STK38: variants seen among roughly 807,000 people sequenced by gnomAD.
The protein encoded by STK38 is serine/threonine-protein kinase 38.
In STK38, 26 loss-of-function variants were observed where a neutral mutation model predicts 59.0. The observed-to-expected ratio is 0.44, with a 90% CI of 0.32 to 0.61. The LOEUF (loss-of-function observed/expected upper bound fraction) is 0.61. STK38 is among the 20% of genes least tolerant of loss of function. The pLI, the probability that STK38 is intolerant of heterozygous loss-of-function variation, is 0.04. For synonymous variants in STK38, 175 were observed against 176.6 expected, an observed-to-expected ratio of 0.99 and a Z score of 0.07; for missense variants, 433 against 566.0, an observed-to-expected ratio of 0.76 and a Z score of 2.38.
In STK38 at chr6:36,502,419, T is replaced by C. The variant is rs952712425; in HGVS notation, c.835-2429A>G. Among the ~76,000 whole-genome samples the C allele has an allele frequency of 2.0e-5, 3 of 152,234 alleles. No homozygotes were observed. The East Asian group carries it at 5.8e-4, about 29-fold the overall frequency. ...ATTCCTATTCAGATCCTTTGTCCAT[T>C]AGTATTTTTTAAGTTGTGTTGTCCT... On this transcript the variant is annotated intron_variant, in intron 9 of 13. Transcript: ENST00000229812.
chr6:36,546,498 G>A (rs900208894), intron 1 of STK38, among the ~76,000 whole-genome samples: 1 of 152,170 alleles, frequency 6.6e-6, no homozygotes, highest in South Asian at 2.1e-4. Context: ...ACCCTCCTCG[G>A]TGCATTTCAA....
intron 12 of STK38, 21 bp from the exon 13 acceptor site, chr6:36,496,826 A>C: frequency 6.4e-7 from 1 of 1,554,152 alleles, no homozygotes; most frequent in South Asian, 1.1e-5. Context: ...TACACATGCC[A>C]AAAATTACTA....
In STK38 at chr6:36,517,770, T is replaced by A; in HGVS notation, c.461A>T (p.Tyr154Phe). The A allele has an allele frequency of 6.2e-7, 1 of 1,614,172 alleles. No homozygotes were observed. Among genetic ancestry groups the A allele is most frequent in the South Asian group, 1.1e-5 (1 of 91,080 alleles). The change falls in exon 6 of 14, where the codon TAT becomes TTT. Residue 154 changes from tyrosine to phenylalanine, a missense_variant. Physicochemically the swap from Tyr to Phe is conservative, Grantham distance 22. This residue lies in a region of STK38 where 293 missense variants were observed against 388.2 expected (regional missense o/e 0.75). Transcript: ENST00000229812. ...ADSLWVVKMF[Y>F]SFQDKLNLYL... ...GAGGTTTAGCTTATCCTGAAAACTA[T>A]AGAACATTTTCACAACCCACAAACT...
In STK38 at chr6:36,495,930, A is replaced by G. The variant is rs1776692389; in HGVS notation, c.1268-16T>C. On this transcript the variant is annotated splice_polypyrimidine_tract_variant and intron_variant, in intron 13 of 13. Coordinates refer to ENST00000229812, the MANE Select transcript of STK38 (RefSeq NM_007271.4). Reference sequence around the variant, plus strand: ...CTTGTGGCCACTGGGAAAGAAATAGATGTGAGAGTTGATTCACTGCCTTGC... The same window carrying G: ...CTTGTGGCCACTGGGAAAGAAATAGGTGTGAGAGTTGATTCACTGCCTTGC... The G allele has an allele frequency of 6.2e-7, 1 of 1,611,794 alleles. No individual in the cohort carries two copies. The highest frequency in any genetic ancestry group is 1.3e-5 in the African/African-American group (1 of 74,902).
chr6:36,524,834 T>C (rs998288532), intron 3 of STK38, among the ~76,000 whole-genome samples: 1 of 151,892 alleles, frequency 6.6e-6, no homozygotes, highest in Non-Finnish European at 1.5e-5. Context: ...GCTTAAACAC[T>C]GTATACTCTA....
intron 2 of STK38, among the ~76,000 whole-genome samples, chr6:36,535,471 A>C (rs577403953): frequency 2.1e-4 from 32 of 152,258 alleles, no homozygotes; most frequent in Admixed American, 9.8e-4. Context: ...CAAACAAGCA[A>C]GCAAACAAAC....
At chr6:36,505,602 A>T (rs1776945088) in intron 9 of STK38, among the ~76,000 whole-genome samples, 1 of 152,342 alleles carries the variant, frequency 6.6e-6, no homozygotes, top group Admixed American at 6.5e-5. Context: ...TTTACTAGGA[A>T]TTCTGACTGA....
At chr6:36,547,028 TAAG>T (rs1469744849) in intron 1 of STK38, among the ~76,000 whole-genome samples, 159 bp downstream of exon 1, 3 of 150,572 alleles carry the variant, frequency 2.0e-5, no homozygotes, top group Non-Finnish European at 4.4e-5. Context: ...AGAAGGGGGT[TAAG>T]GAGAGGGGCG....
At chr6:36,496,528 C>A (rs1349178952) in intron 13 of STK38, among the ~76,000 whole-genome samples, 183 bp downstream of exon 13, 1 of 152,138 alleles carries the variant, frequency 6.6e-6, no homozygotes, top group Non-Finnish European at 1.5e-5. Context: ...GGAGCTGATA[C>A]TCATTTTCCA....
At chr6:36,518,588 C>T (rs1777310470) in intron 5 of STK38, among the ~76,000 whole-genome samples, 1 of 152,128 alleles carries the variant, frequency 6.6e-6, no homozygotes, top group Non-Finnish European at 1.5e-5. Flanking sequence ...GATGGGGTCT[C>T]GCTCTGTCAC....
At chr6:36,535,203 G>A (rs1287965634) in intron 2 of STK38, among the ~76,000 whole-genome samples, 1 of 152,166 alleles carries the variant, frequency 6.6e-6, no homozygotes, top group Non-Finnish European at 1.5e-5. Flanking sequence ...TGTAATCCCA[G>A]CACTTTGGGA....
chr6:36,538,128 G>A (rs183712643), intron 2 of STK38, among the ~76,000 whole-genome samples: 9 of 151,448 alleles, frequency 5.9e-5, no homozygotes, highest in Non-Finnish European at 7.4e-5. Flanking sequence ...GTGAAACCCC[G>A]TCTCTACTAA....
At chr6:36,517,504 A>G (rs1211804239) in intron 6 of STK38, among the ~76,000 whole-genome samples, 1 of 152,206 alleles carries the variant, frequency 6.6e-6, no homozygotes, top group Non-Finnish European at 1.5e-5. Context: ...GAAATCATGT[A>G]AATGAATTAA....
At chr6:36,540,864 G>A (rs151007555) in intron 1 of STK38, among the ~76,000 whole-genome samples, 1,576 of 151,322 alleles carry the variant, frequency 0.01, 27 homozygotes, top group African/African-American at 0.036. Flanking sequence ...GTGAGCCACC[G>A]CGCCTGGCCC....
At chr6:36,528,128 A>G (rs1777578375) in intron 2 of STK38, among the ~76,000 whole-genome samples, 1 of 152,040 alleles carries the variant, frequency 6.6e-6, no homozygotes, top group Non-Finnish European at 1.5e-5. Flanking sequence ...AAAAGAGTGT[A>G]CAGTATGCTG....
chr6:36,502,380 G>A (rs1346676124), intron 9 of STK38, among the ~76,000 whole-genome samples: 2 of 151,956 alleles, frequency 1.3e-5, no homozygotes, highest in African/African-American at 4.8e-5. Flanking sequence ...TAGCCATCCA[G>A]GTTTTTATTA....
In STK38 at chr6:36,530,280, C is replaced by T. The variant is rs141727917; in HGVS notation, c.132-4638G>A. Among the ~76,000 whole-genome samples the T allele has an allele frequency of 8.8e-4, 132 of 149,454 alleles. 1 individual carries two copies. The highest frequency in any genetic ancestry group is 3.0e-3 in the African/African-American group (121 of 40,136). On this transcript the variant is annotated intron_variant, in intron 2 of 13. Coordinates refer to ENST00000229812, the MANE Select transcript of STK38 (RefSeq NM_007271.4). ...AGAAGAGGAGCGACAGATCGAGATT[C>T]TGTCAGGAAGAGAAGAGGGGAGCGG...
intron 5 of STK38, among the ~76,000 whole-genome samples, chr6:36,518,201 A>G (rs1016481437): frequency 6.6e-6 from 1 of 152,164 alleles, no homozygotes; most frequent in Non-Finnish European, 1.5e-5. Context: ...TAAGTCCCCA[A>G]AGTGAGACTC....
At chr6:36,514,968 G>T (rs996710320) in intron 7 of STK38, among the ~76,000 whole-genome samples, 1 of 151,998 alleles carries the variant, frequency 6.6e-6, no homozygotes, top group African/African-American at 2.4e-5. Context: ...TCTTGGCTGG[G>T]TTCCTCATTA....
Sources: allele counts gnomAD v4.1 joint callset (sites outside exome capture counted in the v4.1 genomes callset), GRCh38; gene constraint gnomAD v4.1.1; regional missense constraint gnomAD v4.1.1; transcripts MANE v1.5; gene names NCBI Gene and HGNC (gene_info 2026-07-23, HGNC 2026-07-21).